PCDH7: variants seen among roughly 807,000 people sequenced by gnomAD.
PCDH7 encodes the protein protocadherin-7.
In PCDH7, 17 loss-of-function variants were observed where a neutral mutation model predicts 58.9. The ratio of observed to expected loss-of-function variants is 0.29; its 90% CI spans 0.20 to 0.43. PCDH7 has a LOEUF of 0.43. Ranked by LOEUF, PCDH7 falls within the 20% of genes least tolerant of loss-of-function variation. The pLI is 1.00. For synonymous variants in PCDH7, 664 were observed against 616.4 expected (o/e 1.08, Z -1.14); for missense variants, 1,274 against 1,441.0 (o/e 0.88, Z 1.88).
intron 3 of PCDH7, among the ~76,000 whole-genome samples, chr4:31,000,755 C>T (rs1752299574): frequency 6.6e-6 from 1 of 152,010 alleles, no homozygotes; most frequent in Middle Eastern, 3.2e-3. Context: ...AGAAACAACA[C>T]AAGTTCCATC....
chr4:31,006,429 C>T (rs1752772061), intron 3 of PCDH7, among the ~76,000 whole-genome samples: 1 of 152,088 alleles, frequency 6.6e-6, no homozygotes, highest in Non-Finnish European at 1.5e-5. Context: ...TTCAATTGCA[C>T]AATAACAAAT....
At chr4:30,819,143 C>T (rs758799116) in intron 1 of PCDH7, among the ~76,000 whole-genome samples, 1 of 152,078 alleles carries the variant, frequency 6.6e-6, no homozygotes, top group Non-Finnish European at 1.5e-5. Flanking sequence ...ACAGGAGCCA[C>T]GACTCATAGT....
chr4:30,918,426 A>C (rs927329391), intron 1 of PCDH7, among the ~76,000 whole-genome samples: 1 of 152,142 alleles, frequency 6.6e-6, no homozygotes, highest in South Asian at 2.1e-4. Context: ...TTTTAAATAC[A>C]GGGTATTTAC....
At chr4:31,123,054 A>G (rs1025169262) in intron 3 of PCDH7, among the ~76,000 whole-genome samples, 1 of 152,064 alleles carries the variant, frequency 6.6e-6, no homozygotes, top group South Asian at 2.1e-4. Context: ...GTGCATTTTA[A>G]TATTTGTTAA....
At chr4:31,123,984 C>T (rs1343816387) in intron 3 of PCDH7, among the ~76,000 whole-genome samples, 3 of 152,192 alleles carry the variant, frequency 2.0e-5, no homozygotes, top group African/African-American at 4.8e-5. Flanking sequence ...TGCTTCTTCT[C>T]TTCTTTCCTT....
chr4:30,842,490 A>G (rs1731347657), intron 1 of PCDH7, among the ~76,000 whole-genome samples: 4 of 152,154 alleles, frequency 2.6e-5, no homozygotes. Context: ...CTTATAGTGG[A>G]AAGGACCAAA....
chr4:30,734,582 T>C (rs770349120), downstream of PCDH7, among the ~76,000 whole-genome samples: 1 of 152,164 alleles, frequency 6.6e-6, no homozygotes, highest in Non-Finnish European at 1.5e-5. Context: ...GGAGTGAAGA[T>C]ACAACAACAA....
chr4:31,027,243 T>C (rs1366808407), intron 3 of PCDH7, among the ~76,000 whole-genome samples: 1 of 152,108 alleles, frequency 6.6e-6, no homozygotes, highest in East Asian at 1.9e-4. Flanking sequence ...TGGAACCTCA[T>C]CACAAATAGG....
In PCDH7 at chr4:30,977,922, G is replaced by A. The variant is rs191008834; in HGVS notation, c.*7+27707G>A. Reference sequence around the variant, plus strand: ...TGGTATTAAAATAACGTGGTGGAGAGCGTTGCGTATATAGTGATGCAGAGA... The same window carrying A: ...TGGTATTAAAATAACGTGGTGGAGAACGTTGCGTATATAGTGATGCAGAGA... On this transcript the variant is annotated intron_variant, in intron 3 of 3. Coordinates refer to the PCDH7 transcript ENST00000509759. Among the ~76,000 whole-genome samples, 7 of 152,266 alleles carry A rather than the reference G, an allele frequency of 4.6e-5. No individual in the cohort carries two copies. The East Asian group carries it at 1.2e-3, about 25-fold the overall frequency.
At chr4:30,981,756 A>T (rs1750590880) in intron 3 of PCDH7, among the ~76,000 whole-genome samples, 1 of 152,146 alleles carries the variant, frequency 6.6e-6, no homozygotes, top group Admixed American at 6.5e-5. Context: ...GCCAGTGTCG[A>T]TCTGATATGA....
chr4:31,001,820 T>C (rs1250667702), intron 3 of PCDH7, among the ~76,000 whole-genome samples: 1 of 152,194 alleles, frequency 6.6e-6, no homozygotes, highest in Non-Finnish European at 1.5e-5. Flanking sequence ...TGTTCATATT[T>C]GTTGTTGGGA....
chr4:30,974,174 C>A (rs916729521), intron 3 of PCDH7, among the ~76,000 whole-genome samples: 1 of 144,350 alleles, frequency 6.9e-6, no homozygotes, highest in Admixed American at 7.0e-5. Flanking sequence ...CTTTCTTTTT[C>A]TCTTTCTTTC....
intron 2 of PCDH7, among the ~76,000 whole-genome samples, chr4:30,945,426 C>T (rs1746550328): frequency 6.6e-6 from 1 of 151,860 alleles, no homozygotes; most frequent in South Asian, 2.1e-4. Flanking sequence ...ATTTTTACTG[C>T]CATTAAGCTA....
intron 3 of PCDH7, among the ~76,000 whole-genome samples, chr4:31,080,168 T>C (rs1432729165): frequency 6.6e-6 from 1 of 152,180 alleles, no homozygotes; most frequent in Non-Finnish European, 1.5e-5. Context: ...ACTAGATAAG[T>C]CTCTTCTACC....
intron 2 of PCDH7, among the ~76,000 whole-genome samples, chr4:30,933,278 G>A (rs1275119222): frequency 6.6e-6 from 1 of 152,076 alleles, no homozygotes; most frequent in Non-Finnish European, 1.5e-5. Flanking sequence ...GCCTGCCTTG[G>A]CCTCCCAAAG....
In PCDH7 at chr4:30,722,693, C is replaced by T; in HGVS notation, c.1271C>T (p.Pro424Leu). 6.2e-7 allele frequency: 1 copy of T among 1,613,604 alleles called. No homozygotes were observed. Among genetic ancestry groups the T allele is most frequent in the Non-Finnish European group, 8.5e-7 (1 of 1,180,030 alleles). The change falls in exon 1 of 2, where the codon CCC becomes CTC. Residue 424 changes from proline to leucine, a missense_variant. Pro to Leu is a moderately conservative substitution (Grantham distance 98, BLOSUM62 -3). Around this residue, in one of 3 missense-constraint regions of PCDH7, gnomAD observed 731 missense variants for 881.9 expected, o/e 0.83. Transcript: ENST00000361762. This position sits in a 1 kb window ranked among gnomAD's most constrained non-coding sequence, Gnocchi z 7.6. Reference sequence around the variant, plus strand: ...GAAATCCGCAAGATTGGGCGCATCCCCCTCAAGGACGGGGTGGCCAACGTG... The same window carrying T: ...GAAATCCGCAAGATTGGGCGCATCCTCCTCAAGGACGGGGTGGCCAACGTG...
rs772121609 is a variant in PCDH7, at chr4:30,722,386, G to T, written c.964G>T (p.Ala322Ser). 4 of 1,612,560 alleles carry T rather than the reference G, an allele frequency of 2.5e-6. No individual in the cohort carries two copies. Among genetic ancestry groups the T allele is most frequent in the Non-Finnish European group, 2.5e-6 (3 of 1,179,906 alleles). The change falls in exon 1 of 2, where the codon GCC becomes TCC. Residue 322 changes from alanine (A) to serine (S), a missense_variant. By Grantham distance (99) the Ala-to-Ser change is moderately conservative. This residue lies in a region of PCDH7 where 331 missense variants were observed against 303.2 expected (regional missense o/e 1.09). Coordinates refer to ENST00000361762, the Ensembl canonical transcript of PCDH7. The surrounding 1 kb of genome is among the most constrained non-coding windows in gnomAD (Gnocchi z 7.6). ...CGAGGCCGACTTGGCTGAGAACAGC[G>T]CCCCGGGGACCCCCATCCTGCAACT...
chr4:30,956,300 A>G (rs1361817522), intron 3 of PCDH7, among the ~76,000 whole-genome samples: 1 of 152,136 alleles, frequency 6.6e-6, no homozygotes, highest in Non-Finnish European at 1.5e-5. Flanking sequence ...TAATAATACC[A>G]ATAACTTTGT....
chr4:30,817,334 A>G (rs1727813719), intron 1 of PCDH7, among the ~76,000 whole-genome samples: 1 of 152,112 alleles, frequency 6.6e-6, no homozygotes, highest in African/African-American at 2.4e-5. Context: ...TTTTAGATTC[A>G]TTCTCTATGT....
Sources: allele counts gnomAD v4.1 joint callset (sites outside exome capture counted in the v4.1 genomes callset), GRCh38; gene constraint gnomAD v4.1.1; regional missense constraint gnomAD v4.1.1; non-coding constraint Gnocchi (gnomAD v3.1); transcripts MANE v1.5; gene names NCBI Gene and HGNC (gene_info 2026-07-23, HGNC 2026-07-21).